Variants in DOCK3 observed in about 807,000 individuals in gnomAD.
DOCK3 encodes the protein dedicator of cytokinesis 3, also known as dedicator of cytokinesis protein 3.
In DOCK3, 60 loss-of-function variants were observed where a neutral mutation model predicts 265.6. The ratio of observed to expected loss-of-function variants is 0.23; its 90% CI spans 0.18 to 0.28. The LOEUF is 0.28. DOCK3 is among the 10% of genes least tolerant of loss of function. DOCK3 has a pLI of 1.00. For missense variants in DOCK3, 1,981 were observed against 2,594.3 expected, an observed-to-expected ratio of 0.76 and a Z score of 5.14; for synonymous variants, 881 against 938.0, an observed-to-expected ratio of 0.94 and a Z score of 1.11.
At chr3:51,276,372 G>T (rs1275198006) in intron 25 of DOCK3, 1 of 985,228 alleles carries the variant, frequency 1.0e-6, no homozygotes, top group African/African-American at 1.7e-5. Flanking sequence ...TGAGGGGGTG[G>T]ACAGCTTATT....
intron 10 of DOCK3, among the ~76,000 whole-genome samples, chr3:51,153,619 T>TCA (rs1031679278): frequency 2.6e-5 from 4 of 152,200 alleles, no homozygotes; most frequent in African/African-American, 9.6e-5. Flanking sequence ...CCGGAGCTGT[T>TCA]CCTATTCGGC....
chr3:51,246,087 T>C (rs1223376389), intron 21 of DOCK3, among the ~76,000 whole-genome samples: 1 of 152,208 alleles, frequency 6.6e-6, no homozygotes, highest in African/African-American at 2.4e-5. Context: ...ATAGATGAGA[T>C]AGAGCAGGGG....
intron 27 of DOCK3, among the ~76,000 whole-genome samples, chr3:51,290,558 A>T (rs988509085): frequency 6.6e-6 from 1 of 152,166 alleles, no homozygotes; most frequent in East Asian, 1.9e-4. Context: ...GAGGGGAGGG[A>T]TAGCATTAGG....
intron 35 of DOCK3, among the ~76,000 whole-genome samples, chr3:51,338,010 G>A (rs1010076253): frequency 2.6e-5 from 4 of 152,214 alleles, no homozygotes; most frequent in African/African-American, 9.7e-5. Context: ...GGAGAATTCT[G>A]TGCCTCCCTT....
At chr3:50,905,714 A>G (rs1482681556) in intron 4 of DOCK3, among the ~76,000 whole-genome samples, 2 of 152,058 alleles carry the variant, frequency 1.3e-5, no homozygotes, top group African/African-American at 2.4e-5. Flanking sequence ...GCAAACAGGG[A>G]CAATTTGACT....
chr3:51,356,597 T>A (rs2086382099), intron 43 of DOCK3, 104 bp downstream of exon 43: 1 of 1,216,918 alleles, frequency 8.2e-7, no homozygotes, highest in South Asian at 1.3e-5. Flanking sequence ...GTCGGCCACC[T>A]GCCTGGCCAA....
intron 3 of DOCK3, among the ~76,000 whole-genome samples, chr3:50,882,836 T>C (rs1036951465): frequency 6.6e-6 from 1 of 152,220 alleles, no homozygotes; most frequent in African/African-American, 2.4e-5. Flanking sequence ...ATTGCAGCAC[T>C]ATTCACAATA....
In DOCK3 at chr3:50,675,321, G is replaced by A. The variant is rs1344812933; in HGVS notation, c.37+21G>A. On this transcript the variant is annotated intron_variant, in intron 1 of 52. Transcript: ENST00000266037. The surrounding 1 kb of genome is among the most constrained non-coding windows in gnomAD (Gnocchi z 6.1). Reference sequence around the variant, plus strand: ...CGTAGGTAGGTGAGGCTCAGGCCTGGCCGTGGCGGGGGTTCTGGGGGACGC... The same window carrying A: ...CGTAGGTAGGTGAGGCTCAGGCCTGACCGTGGCGGGGGTTCTGGGGGACGC... 3.2e-6 allele frequency: 4 copies of A among 1,249,122 alleles called. No homozygotes were observed. The highest frequency in any genetic ancestry group is 4.1e-6 in the Non-Finnish European group (4 of 983,252). The allele number at this position is 1,249,122 out of a possible 1,614,324, so 77.4% of individuals were successfully genotyped here.
intron 1 of DOCK3, among the ~76,000 whole-genome samples, chr3:50,699,777 C>T (rs2035914367): frequency 6.6e-6 from 1 of 152,132 alleles, no homozygotes; most frequent in South Asian, 2.1e-4. Context: ...CAGGAAGGAT[C>T]CACTAGCCAT....
intron 5 of DOCK3, among the ~76,000 whole-genome samples, chr3:50,979,035 G>A (rs541273677): frequency 2.0e-5 from 3 of 152,110 alleles, no homozygotes; most frequent in Non-Finnish European, 2.9e-5. Flanking sequence ...ACTGACCTGC[G>A]CCCACTGTCT....
chr3:51,330,280 T>C, intron 33 of DOCK3, 57 bp downstream of exon 33: 4 of 1,522,084 alleles, frequency 2.6e-6, no homozygotes, highest in Non-Finnish European at 8.9e-7. Flanking sequence ...AGTGGGCCAA[T>C]GAAAAGTAGA....
At chr3:51,203,585 C>G (rs1004439989) in intron 12 of DOCK3, among the ~76,000 whole-genome samples, 44 of 152,190 alleles carry the variant, frequency 2.9e-4, no homozygotes, top group South Asian at 6.2e-4. Context: ...AATGGCCATA[C>G]TGCCCAAGGT....
At chr3:50,781,763 A>G (rs2041932074) in intron 2 of DOCK3, among the ~76,000 whole-genome samples, 1 of 151,880 alleles carries the variant, frequency 6.6e-6, no homozygotes, top group Non-Finnish European at 1.5e-5. Flanking sequence ...ATTTTTCCTG[A>G]TCCTCTGCCT....
At chr3:50,894,988 A>T (rs2107764211) in intron 4 of DOCK3, among the ~76,000 whole-genome samples, 1 of 152,238 alleles carries the variant, frequency 6.6e-6, no homozygotes, top group East Asian at 1.9e-4. Context: ...TCTGACTGCT[A>T]AGTGATTTAC....
rs143233786 is a variant in DOCK3, at chr3:51,045,594, A to G, written c.316-18854A>G. Among the ~76,000 whole-genome samples the G allele has an allele frequency of 9.4e-4, 143 of 152,320 alleles. No homozygotes were observed. The East Asian group carries it at 0.02, about 22-fold the overall frequency. ...TTTGTAAAAACCGTAATATCTGTGA[A>G]GCTCAATAAAGTGAAATGCAATAAA... is the stretch of plus-strand genomic sequence containing the variant. On this transcript the variant is annotated intron_variant, in intron 5 of 52. Coordinates refer to ENST00000266037, the MANE Select transcript of DOCK3 (RefSeq NM_004947.5).
At chr3:51,234,359 T>A (rs2078265815) in intron 19 of DOCK3, among the ~76,000 whole-genome samples, 1 of 152,226 alleles carries the variant, frequency 6.6e-6, no homozygotes, top group South Asian at 2.1e-4. Context: ...GCTAGTGAGT[T>A]GTTTGAGTTC....
chr3:51,039,912 T>A (rs1054620787), intron 5 of DOCK3, among the ~76,000 whole-genome samples: 1 of 131,250 alleles, frequency 7.6e-6, no homozygotes, highest in Non-Finnish European at 1.6e-5. Context: ...TTTTAACATA[T>A]AAGACCTCAT....
At chr3:50,936,497 A>G (rs923078212) in intron 5 of DOCK3, among the ~76,000 whole-genome samples, 6 of 152,120 alleles carry the variant, frequency 3.9e-5, no homozygotes, top group African/African-American at 1.4e-4. Flanking sequence ...AAAGAAATCT[A>G]TACTCAGACA....
chr3:51,264,826 C>CAAAAAATAAATA (rs2080068226), intron 23 of DOCK3, among the ~76,000 whole-genome samples: 1 of 18,688 alleles, frequency 5.4e-5, no homozygotes, highest in African/African-American at 2.0e-4. Flanking sequence ...GACTCAGTCT[C>CAAAAAATAAATA]AAAAAATAAA....
Sources: allele counts gnomAD v4.1 joint callset (sites outside exome capture counted in the v4.1 genomes callset), GRCh38; gene constraint gnomAD v4.1.1; non-coding constraint Gnocchi (gnomAD v3.1); transcripts MANE v1.5; gene names NCBI Gene and HGNC (gene_info 2026-07-23, HGNC 2026-07-21).